Variants in COL4A3 observed in about 807,000 individuals in gnomAD.
The protein encoded by COL4A3 is collagen alpha-3(IV) chain.
In COL4A3, 135 loss-of-function variants were observed where a neutral mutation model predicts 217.4. The observed-to-expected ratio is 0.62, with a 90% CI of 0.54 to 0.72. The LOEUF is 0.72. Among genes scored for constraint, COL4A3 ranks in the 30% least tolerant of loss-of-function variants. COL4A3 has a pLI of 0.00. For missense variants in COL4A3, 1,868 were observed against 2,119.9 expected, an observed-to-expected ratio of 0.88 and a Z score of 2.33; for synonymous variants, 690 against 736.3, an observed-to-expected ratio of 0.94 and a Z score of 1.02.
At chr2:227,251,066 C>T (rs1044680949) in intron 9 of COL4A3, 74 bp from the exon 10 acceptor site, 2 of 1,061,384 alleles carry the variant, frequency 1.9e-6, no homozygotes, top group African/African-American at 3.1e-5. Flanking sequence ...TATTTTAATG[C>T]ATTTAATTAA....
In COL4A3 at chr2:227,310,853, C is replaced by T. The variant is rs2106294877; in HGVS notation, c.4833C>T (p.Ser1611=). The part of the protein sequence containing the change: ...PGSCLEEFRA[S]PFLECHGRGT... ...CCTGCCTGGAAGAATTCCGAGCCAG[C>T]CCATTTCTAGAATGTCATGGAAGAG... Residue 1611 remains serine, a synonymous_variant, in exon 51 of 52, where the codon AGC becomes AGT. Coordinates refer to ENST00000396578, the MANE Select transcript of COL4A3 (RefSeq NM_000091.5). 6.2e-7 allele frequency: 1 copy of T among 1,614,136 alleles called. No homozygotes were observed. The highest frequency in any genetic ancestry group is 1.3e-5 in the African/African-American group (1 of 75,044).
intron 1 of COL4A3, among the ~76,000 whole-genome samples, chr2:227,193,930 G>A (rs1432993593): frequency 2.7e-5 from 1 of 36,566 alleles, no homozygotes. Flanking sequence ...GAAGGAGAAG[G>A]GAAATAAGGA....
chr2:227,301,195 A>G (rs1037739247), intron 43 of COL4A3, among the ~76,000 whole-genome samples: 1 of 152,194 alleles, frequency 6.6e-6, no homozygotes, highest in African/African-American at 2.4e-5. Context: ...CTATTCACCA[A>G]GCTTTAAATC....
At chr2:227,189,352 G>A (rs1274474722) in intron 1 of COL4A3, among the ~76,000 whole-genome samples, 1 of 152,180 alleles carries the variant, frequency 6.6e-6, no homozygotes, top group Non-Finnish European at 1.5e-5. Context: ...ACACAGAGAA[G>A]CAGAGGCAAG....
chr2:227,168,808 T>G (rs2065368127), intron 1 of COL4A3, among the ~76,000 whole-genome samples: 1 of 152,182 alleles, frequency 6.6e-6, no homozygotes, highest in Admixed American at 6.5e-5. Flanking sequence ...AGATCTACTT[T>G]TATCTTTTTC....
chr2:227,244,944 T>C lies in COL4A3; in HGVS notation c.280-7T>C, dbSNP rs770953670. On this transcript the variant is annotated splice_polypyrimidine_tract_variant and splice_region_variant and intron_variant, in intron 4 of 51. Transcript: ENST00000396578. ...TTGCCACCCCCTCCTTTTTCCTATGTCTTCAGGGAATAAGTGGATTGCCAG... is the reference window on the plus strand; with the variant it reads ...TTGCCACCCCCTCCTTTTTCCTATGCCTTCAGGGAATAAGTGGATTGCCAG... 6.2e-7 allele frequency: 1 copy of C among 1,613,256 alleles called. No homozygotes were observed. The highest frequency in any genetic ancestry group is 1.1e-5 in the South Asian group (1 of 91,020).
chr2:227,185,554 A>T (rs1441465640), intron 1 of COL4A3, among the ~76,000 whole-genome samples: 1 of 152,238 alleles, frequency 6.6e-6, no homozygotes, highest in Non-Finnish European at 1.5e-5. Flanking sequence ...GTTCATCTTC[A>T]TATATAAAGA....
rs904889606 is a variant in COL4A3, at chr2:227,314,644, C to T, written c.*2774C>T. On this transcript the variant is annotated 3_prime_UTR_variant, in exon 52 of 52. Coordinates refer to ENST00000396578, the MANE Select transcript of COL4A3 (RefSeq NM_000091.5). ...ACTTAATTTAATATTTACTCTATAA[C>T]CAAATGAAATATATTTAAAATATAT... is the stretch of plus-strand genomic sequence containing the variant. The T allele has an allele frequency of 6.6e-6, 1 of 152,132 alleles. No homozygotes were observed. Among genetic ancestry groups the T allele is most frequent in the African/African-American group, 2.4e-5 (1 of 41,358 alleles). 9.4% of individuals were successfully genotyped at this position (152,132 alleles called of 1,614,324 possible).
In COL4A3 at chr2:227,299,784, G is replaced by A. The variant is rs1024846343; in HGVS notation, c.3882+972G>A. ...GCCTCTAAGAGGCCTCCAAAACTTT[G>A]GTCTGTATGGGACTCACCTCTACAG... On this transcript the variant is annotated intron_variant, in intron 43 of 51. Transcript: ENST00000396578. Among the ~76,000 whole-genome samples, 14 of 152,220 alleles carry A rather than the reference G, an allele frequency of 9.2e-5. No homozygotes were observed. The South Asian group carries it at 2.9e-3, about 32-fold the overall frequency.
chr2:227,204,954 C>G (rs987965199), intron 1 of COL4A3, among the ~76,000 whole-genome samples: 2 of 152,194 alleles, frequency 1.3e-5, no homozygotes, highest in African/African-American at 4.8e-5. Context: ...GCAGGTGCAA[C>G]AGCGGTGATG....
At chr2:227,249,935 C>T (rs74612469) in intron 9 of COL4A3, among the ~76,000 whole-genome samples, 2,985 of 152,216 alleles carry the variant, frequency 0.02, 91 homozygotes, top group African/African-American at 0.068. Context: ...CATTTGATTA[C>T]ACAAGAAATA....
At chr2:227,207,984 A>C (rs1353782307) in intron 1 of COL4A3, among the ~76,000 whole-genome samples, 1 of 152,230 alleles carries the variant, frequency 6.6e-6, no homozygotes, top group African/African-American at 2.4e-5. Flanking sequence ...TTCTCCTCTT[A>C]GAAAAATTGG....
chr2:227,231,807 T>C (rs4675153), intron 1 of COL4A3, among the ~76,000 whole-genome samples: 94,951 of 152,032 alleles, frequency 0.62, 30,008 homozygotes, highest in African/African-American at 0.66. Context: ...GCTGGGATTA[T>C]AGGCGTGAAC....
rs2070137512 is a variant in COL4A3, at chr2:227,255,925, C to G, written c.889-101C>G. ...AAGATCTTTACTCAGGCTTTTCATGCCTGAGGTCAAGAGGAGATGATCATA... is the reference window on the plus strand; with the variant it reads ...AAGATCTTTACTCAGGCTTTTCATGGCTGAGGTCAAGAGGAGATGATCATA... On this transcript the variant is annotated intron_variant, in intron 15 of 51. Transcript: ENST00000396578. The G allele has an allele frequency of 8.3e-6, 10 of 1,197,640 alleles. No individual in the cohort carries two copies. The East Asian group carries it at 2.5e-4, about 29-fold the overall frequency. 74.2% of individuals were successfully genotyped at this position (1,197,640 alleles called of 1,614,324 possible). A position where few individuals can be genotyped will look rare whatever the true frequency, so the allele number is the denominator to read the frequency against.
At chr2:227,294,112 G>C (rs546468539) in intron 38 of COL4A3, 1 of 294,832 alleles carries the variant, frequency 3.4e-6, no homozygotes, top group South Asian at 3.3e-5. Flanking sequence ...TTCAGGTTTA[G>C]GGTTTTGTTT....
chr2:227,222,953 C>T (rs1431000342), intron 1 of COL4A3, among the ~76,000 whole-genome samples: 2 of 152,168 alleles, frequency 1.3e-5, no homozygotes, highest in Non-Finnish European at 2.9e-5. Flanking sequence ...TTTTAATCAA[C>T]CAAGTGACAT....
chr2:227,309,408 G>C (rs2073651437), intron 50 of COL4A3, 90 bp downstream of exon 50: 1 of 946,138 alleles, frequency 1.1e-6, no homozygotes, highest in African/African-American at 1.6e-5. Context: ...CAGGGTCGAT[G>C]CTGCCTGCTG....
At chr2:227,264,387 T>C (rs2070769272) in intron 21 of COL4A3, among the ~76,000 whole-genome samples, 1 of 152,114 alleles carries the variant, frequency 6.6e-6, no homozygotes, top group African/African-American at 2.4e-5. Flanking sequence ...CCAGGCTGTG[T>C]CTGCATGGTT....
intron 1 of COL4A3, among the ~76,000 whole-genome samples, chr2:227,178,241 G>A (rs1197866870): frequency 1.3e-5 from 2 of 151,888 alleles, no homozygotes; most frequent in African/African-American, 2.4e-5. Context: ...AATTAGCCGG[G>A]CATGGTGGCA....
Sources: allele counts gnomAD v4.1 joint callset (sites outside exome capture counted in the v4.1 genomes callset), GRCh38; gene constraint gnomAD v4.1.1; transcripts MANE v1.5; gene names NCBI Gene and HGNC (gene_info 2026-07-23, HGNC 2026-07-21).